The following PTPRZ1 variants were observed in gnomAD, a reference collection of about 807,000 sequenced individuals.
The protein encoded by PTPRZ1 is protein tyrosine phosphatase receptor type Z1.
PTPRZ1 carries 82 observed loss-of-function variants against 214.1 expected under a neutral mutation model. That is an observed-to-expected ratio of 0.38 (90% CI 0.32 to 0.46). The LOEUF (loss-of-function observed/expected upper bound fraction) is 0.46, where lower values mean the gene tolerates loss of function less well. Ranked by LOEUF, PTPRZ1 falls within the 20% of genes least tolerant of loss-of-function variation. The pLI, the probability that PTPRZ1 is intolerant of heterozygous loss-of-function variation, is 1.00. For missense variants in PTPRZ1, 2,603 were observed against 2,748.7 expected (o/e 0.95, Z 1.19); for synonymous variants, 945 against 987.9 (o/e 0.96, Z 0.81).
In PTPRZ1 at chr7:122,021,739, CA is replaced by C. The variant is rs144413577; in HGVS notation, c.4988+2481del. Among the ~76,000 whole-genome samples, 16 of 147,640 alleles carry C rather than the reference CA, an allele frequency of 1.1e-4. No individual in the cohort carries two copies. In the South Asian group the frequency reaches 2.2e-3, roughly 20 times the overall value. On this transcript the variant is annotated intron_variant, in intron 13 of 29. Coordinates refer to ENST00000393386, the MANE Select transcript of PTPRZ1 (RefSeq NM_002851.3). ...TGGGCGACAAAGTAAGACACTGTCT[CA>C]AAAAAAAAATCACTTTGATGGTTTT...
intron 6 of PTPRZ1, among the ~76,000 whole-genome samples, chr7:121,979,374 G>A (rs544279455): frequency 6.6e-6 from 1 of 152,276 alleles, no homozygotes; most frequent in Admixed American, 6.5e-5. Context: ...TTGCAGGGAA[G>A]AGACACATCC....
intron 2 of PTPRZ1, among the ~76,000 whole-genome samples, chr7:121,949,206 T>C (rs955241017): frequency 2.0e-5 from 3 of 152,132 alleles, no homozygotes; most frequent in African/African-American, 7.2e-5. Context: ...GCTGCATTAT[T>C]GTGAGTTTCT....
chr7:121,926,079 C>G (rs186035291), intron 1 of PTPRZ1, among the ~76,000 whole-genome samples: 2 of 152,048 alleles, frequency 1.3e-5, no homozygotes, highest in African/African-American at 4.8e-5. Flanking sequence ...CCAAGGCGGG[C>G]GGATCACGAG....
chr7:122,009,936 A>T (rs1266160748), intron 11 of PTPRZ1, among the ~76,000 whole-genome samples: 1 of 152,186 alleles, frequency 6.6e-6, no homozygotes, highest in East Asian at 1.9e-4. Context: ...TTCATCGCCA[A>T]TTCTTATTAC....
chr7:121,912,874 G>A (rs1024210858), intron 1 of PTPRZ1, among the ~76,000 whole-genome samples: 1 of 152,170 alleles, frequency 6.6e-6, no homozygotes, highest in Admixed American at 6.5e-5. Context: ...GGATTTAGCA[G>A]TCACTGATCT....
intron 1 of PTPRZ1, 122 bp downstream of exon 1, chr7:121,873,679 G>A (rs1288330013): frequency 2.4e-5 from 29 of 1,212,196 alleles, no homozygotes; most frequent in Non-Finnish European, 3.4e-5. Flanking sequence ...AAAAGGGACA[G>A]CCAACTGGGC....
At chr7:121,971,338 GA>G (rs1797241756) in intron 3 of PTPRZ1, among the ~76,000 whole-genome samples, 1 of 152,190 alleles carries the variant, frequency 6.6e-6, no homozygotes, top group Non-Finnish European at 1.5e-5. Context: ...ATAGCCTGAT[GA>G]TTATGTTTTT....
At chr7:121,911,413 T>A (rs981323047) in intron 1 of PTPRZ1, among the ~76,000 whole-genome samples, 2 of 152,108 alleles carry the variant, frequency 1.3e-5, no homozygotes, top group South Asian at 2.1e-4. Flanking sequence ...TAACTGGCCA[T>A]TTTTGTGAAA....
chr7:121,873,889 T>A (rs1171195022), intron 1 of PTPRZ1, among the ~76,000 whole-genome samples: 2 of 152,168 alleles, frequency 1.3e-5, no homozygotes, highest in Non-Finnish European at 2.9e-5. Context: ...AGTGTAGAAA[T>A]CGCCTTTTAG....
chr7:122,032,501 T>C (rs1799411289), intron 15 of PTPRZ1, among the ~76,000 whole-genome samples: 1 of 152,126 alleles, frequency 6.6e-6, no homozygotes, highest in South Asian at 2.1e-4. Flanking sequence ...GAGAGCTTCA[T>C]ATTGCATTTT....
At position 122,012,009 on chromosome 7, in the gene PTPRZ1, A is replaced by G. The variant is rs750946771; in HGVS notation, c.2963A>G (p.His988Arg). ...TPTASLLQPTHALSGDGEWSG... is the reference protein window; with the variant it reads ...TPTASLLQPTRALSGDGEWSG... ...ACTGCATCATTACTGCAGCCTACTCATGCCCTCTCTGGTGATGGGGAATGG... is the reference window on the plus strand; with the variant it reads ...ACTGCATCATTACTGCAGCCTACTCGTGCCCTCTCTGGTGATGGGGAATGG... The change falls in exon 12 of 30, where the codon CAT (histidine) becomes CGT (arginine). Residue 988 changes from histidine (H) to arginine (R), a missense_variant. Around this residue, in one of 6 missense-constraint regions of PTPRZ1, gnomAD observed 1,913 missense variants for 1,914.3 expected, o/e 1.00. Transcript: ENST00000393386. The G allele has an allele frequency of 4.3e-6, 7 of 1,614,052 alleles. No individual in the cohort carries two copies. Among genetic ancestry groups the G allele is most frequent in the East Asian group, 2.2e-5 (1 of 44,896 alleles).
At chr7:122,054,358 A>G (rs574474623) in intron 26 of PTPRZ1, among the ~76,000 whole-genome samples, 15 of 152,110 alleles carry the variant, frequency 9.9e-5, no homozygotes, top group Non-Finnish European at 2.2e-4. Flanking sequence ...TTAAAATAAA[A>G]TGTGTTAGAA....
At chr7:122,046,199 C>G (rs566601997) in intron 23 of PTPRZ1, among the ~76,000 whole-genome samples, 15 of 152,154 alleles carry the variant, frequency 9.9e-5, no homozygotes, top group East Asian at 9.7e-4. Flanking sequence ...TTTGGGGGAC[C>G]ATGGTCAAGA....
intron 2 of PTPRZ1, among the ~76,000 whole-genome samples, chr7:121,950,309 G>T (rs575652460): frequency 6.6e-6 from 1 of 152,202 alleles, no homozygotes; most frequent in Non-Finnish European, 1.5e-5. Context: ...TGAGACTTGG[G>T]TGGGGACACA....
chr7:122,036,757 A>G (rs1162904173), intron 18 of PTPRZ1, 75 bp downstream of exon 18: 2 of 962,054 alleles, frequency 2.1e-6, no homozygotes, highest in African/African-American at 1.6e-5. Flanking sequence ...CCATACATGC[A>G]TACATATACT....
Position 122,038,903 on chromosome 7 carries a change from CTGTTA to C in PTPRZ1, c.5502+18_5502+22del. ...GAGAAAGGAAGGGTATGTAGATAATCTGTTATGTCACCCCCAAAAAAGTAATTAGA... is the reference window on the plus strand; with the variant it reads ...GAGAAAGGAAGGGTATGTAGATAATCTGTCACCCCCAAAAAAGTAATTAGA... On this transcript the variant is annotated intron_variant, in intron 19 of 29. Coordinates refer to ENST00000393386, the MANE Select transcript of PTPRZ1 (RefSeq NM_002851.3). The C allele has an allele frequency of 6.2e-7, 1 of 1,612,824 alleles. No individual in the cohort carries two copies. Among genetic ancestry groups the C allele is most frequent in the Non-Finnish European group, 8.5e-7 (1 of 1,179,218 alleles).
At chr7:122,044,395 T>G in intron 22 of PTPRZ1, 27 bp from the exon 23 acceptor site, 1 of 1,612,840 alleles carries the variant, frequency 6.2e-7, no homozygotes, top group Non-Finnish European at 8.5e-7. Context: ...CTTGAACTAA[T>G]GTTGCTTATT....
At position 122,037,276 on chromosome 7, in the gene PTPRZ1, G is replaced by GA. The variant is rs1171606932; in HGVS notation, c.5367+606dup. Among the ~76,000 whole-genome samples, 166 of 137,152 alleles carry GA rather than the reference G, an allele frequency of 1.2e-3. 2 individuals are homozygous for GA. The Middle Eastern group carries it at 0.027, about 23-fold the overall frequency. 90.0% of individuals were successfully genotyped at this position (137,152 alleles called of 152,430 possible). ...GGCAACAGAGTGAGACTCCGTCTCA[G>GA]AAAAAAAAAAAATGTGAAGGGCAGG... On this transcript the variant is annotated intron_variant, in intron 18 of 29. Coordinates refer to ENST00000393386, the MANE Select transcript of PTPRZ1 (RefSeq NM_002851.3).
chr7:122,036,602 G>C lies in PTPRZ1; in HGVS notation c.5287G>C (p.Asp1763His). ...KNRYINIVAY[D>H]HSRVKLAQLA... is the part of the protein sequence containing the mutation. ...AATATATTCTCTTTATATTACAGAT[G>C]ATCATAGCAGGGTTAAGCTAGCACA... is the stretch of plus-strand genomic sequence containing the variant. Residue 1763 changes from aspartate to histidine, a missense_variant and splice_region_variant, in exon 18 of 30, where the codon GAT becomes CAT. By Grantham distance (81) the Asp-to-His change is moderately conservative (BLOSUM62 -1). This residue lies in a region of PTPRZ1 where 1,913 missense variants were observed against 1,914.3 expected (regional missense o/e 1.00). Coordinates refer to ENST00000393386, the MANE Select transcript of PTPRZ1 (RefSeq NM_002851.3). 2 of 1,589,554 alleles carry C rather than the reference G, an allele frequency of 1.3e-6. No homozygotes were observed. The highest frequency in any genetic ancestry group is 2.2e-5 in the South Asian group (2 of 90,362).
Sources: allele counts gnomAD v4.1 joint callset (sites outside exome capture counted in the v4.1 genomes callset), GRCh38; gene constraint gnomAD v4.1.1; regional missense constraint gnomAD v4.1.1; transcripts MANE v1.5; gene names NCBI Gene and HGNC (gene_info 2026-07-23, HGNC 2026-07-21).